The following ERBB4 variants were observed in gnomAD, a reference collection of about 807,000 sequenced individuals.
ERBB4 encodes erb-b2 receptor tyrosine kinase 4.
A neutral mutation model predicts 158.0 loss-of-function variants in ERBB4; 42 were observed. The ratio of observed to expected loss-of-function variants is 0.27; its 90% CI spans 0.21 to 0.34. The LOEUF (loss-of-function observed/expected upper bound fraction) is 0.34, where lower values mean the gene tolerates loss of function less well. ERBB4 is among the 10% of genes least tolerant of loss of function. ERBB4 has a pLI of 1.00. For missense variants in ERBB4, 1,333 were observed against 1,624.1 expected, an observed-to-expected ratio of 0.82 and a Z score of 3.08; for synonymous variants, 583 against 558.7, an observed-to-expected ratio of 1.04 and a Z score of -0.61.
Position 211,713,627 on chromosome 2 carries a change from C to T in ERBB4, c.905G>A (p.Ser302Asn). ...ACTAGGGCAGGCACGCACACAAGAA[C>T]TGGAATCTACCACAAAGTTATCTGA... Reference protein sequence around the residue: ...KCPHNFVVDSSSCVRACPSSK... With the variant: ...KCPHNFVVDSNSCVRACPSSK... Residue 302 changes from serine to asparagine, a missense_variant, in exon 8 of 28, where the codon AGT (serine) becomes AAT (asparagine). Coordinates refer to ENST00000342788, the MANE Select transcript of ERBB4 (RefSeq NM_005235.3). 2 of 1,595,482 alleles carry T rather than the reference C, an allele frequency of 1.3e-6. No homozygotes were observed. Among genetic ancestry groups the T allele is most frequent in the South Asian group, 1.1e-5 (1 of 90,562 alleles).
chr2:211,693,249 C>G (rs2072887889), intron 12 of ERBB4, among the ~76,000 whole-genome samples: 1 of 151,856 alleles, frequency 6.6e-6, no homozygotes, highest in African/African-American at 2.4e-5. Flanking sequence ...TAAAATGAAT[C>G]CAAAAGTATT....
chr2:212,313,999 T>C (rs894052755), intron 1 of ERBB4, among the ~76,000 whole-genome samples: 1 of 151,046 alleles, frequency 6.6e-6, no homozygotes, highest in Admixed American at 6.6e-5. Context: ...CACTTCCAGA[T>C]ACTAGCCAAA....
At chr2:212,251,573 A>G (rs1256678158) in intron 1 of ERBB4, among the ~76,000 whole-genome samples, 1 of 151,966 alleles carries the variant, frequency 6.6e-6, no homozygotes, top group Non-Finnish European at 1.5e-5. Context: ...CTTTTGGGAA[A>G]CTAGATGAAG....
chr2:211,741,391 C>T (rs1345347691), intron 5 of ERBB4, among the ~76,000 whole-genome samples: 1 of 151,660 alleles, frequency 6.6e-6, no homozygotes, highest in Admixed American at 6.6e-5. Flanking sequence ...CAACACCCCA[C>T]AGTTTCCATT....
In ERBB4 at chr2:211,711,903, A is replaced by C. The variant is rs561083310; in HGVS notation, c.1124+147T>G. The C allele has an allele frequency of 1.2e-5, 8 of 687,358 alleles. No homozygotes were observed. The East Asian group carries it at 2.2e-4, about 19-fold the overall frequency. The allele number at this position is 687,358 out of a possible 1,614,324, so 42.6% of individuals were successfully genotyped here. A position where few individuals can be genotyped will look rare whatever the true frequency, so the allele number is the denominator to read the frequency against. ...ACTAGTATACTGTCATTGCTGGTGAAATCAGGCCCCTGCTTTTGTTGGTGA... is the reference window on the plus strand; with the variant it reads ...ACTAGTATACTGTCATTGCTGGTGACATCAGGCCCCTGCTTTTGTTGGTGA... On this transcript the variant is annotated intron_variant, in intron 9 of 27. Coordinates refer to ENST00000342788, the MANE Select transcript of ERBB4 (RefSeq NM_005235.3).
At chr2:212,017,579 G>C (rs1197641962) in intron 2 of ERBB4, among the ~76,000 whole-genome samples, 2 of 152,100 alleles carry the variant, frequency 1.3e-5, no homozygotes, top group East Asian at 3.8e-4. Flanking sequence ...ATACAATGTT[G>C]TTGCATATAA....
At chr2:211,418,328 C>T (rs1222546243) in intron 25 of ERBB4, among the ~76,000 whole-genome samples, 1 of 151,966 alleles carries the variant, frequency 6.6e-6, no homozygotes, top group African/African-American at 2.4e-5. Flanking sequence ...TTACGTAAAG[C>T]CAGACTGAAA....
At chr2:212,370,021 G>C (rs554512825) in intron 1 of ERBB4, among the ~76,000 whole-genome samples, 85 of 152,242 alleles carry the variant, frequency 5.6e-4, no homozygotes, top group African/African-American at 1.9e-3. Flanking sequence ...GTAAATTAAT[G>C]AATTGGTGAT....
intron 1 of ERBB4, among the ~76,000 whole-genome samples, chr2:212,160,701 T>C (rs978531987): frequency 2.6e-5 from 4 of 151,988 alleles, no homozygotes; most frequent in East Asian, 1.9e-4. Flanking sequence ...AGCGCTTTTC[T>C]TTTTTTAGAG....
chr2:211,883,950 T>G (rs1003770500), intron 3 of ERBB4, among the ~76,000 whole-genome samples: 5 of 152,172 alleles, frequency 3.3e-5, no homozygotes, highest in African/African-American at 1.2e-4. Flanking sequence ...CACTCCCCGG[T>G]GAGGCCACTA....
intron 3 of ERBB4, among the ~76,000 whole-genome samples, chr2:211,944,780 A>G (rs1419934889): frequency 6.7e-6 from 1 of 150,296 alleles, no homozygotes; most frequent in African/African-American, 2.4e-5. Flanking sequence ...CCCCACCCCC[A>G]GAGTTTCTCA....
At chr2:212,119,561 CTG>C (rs1450917936) in intron 2 of ERBB4, among the ~76,000 whole-genome samples, 1 of 152,144 alleles carries the variant, frequency 6.6e-6, no homozygotes, top group Non-Finnish European at 1.5e-5. Context: ...AGCACAAAAT[CTG>C]TGATTTTTAT....
At chr2:212,498,344 C>T (rs1690697666) in intron 1 of ERBB4, among the ~76,000 whole-genome samples, 1 of 152,062 alleles carries the variant, frequency 6.6e-6, no homozygotes, top group African/African-American at 2.4e-5. Context: ...CTTACCATTT[C>T]CCAACTTGAC....
chr2:212,144,075 C>T (rs1575697748), intron 1 of ERBB4, among the ~76,000 whole-genome samples: 1 of 151,470 alleles, frequency 6.6e-6, no homozygotes, highest in African/African-American at 2.4e-5. Context: ...AGAAATAGAT[C>T]AGGAATAGAA....
At chr2:212,475,279 G>T (rs1689328864) in intron 1 of ERBB4, among the ~76,000 whole-genome samples, 1 of 152,122 alleles carries the variant, frequency 6.6e-6, no homozygotes, top group Non-Finnish European at 1.5e-5. Context: ...CTGCTCTGCA[G>T]TCATCATGAA....
intron 1 of ERBB4, among the ~76,000 whole-genome samples, chr2:212,288,555 A>G (rs7575288): frequency 0.84 from 128,404 of 151,988 alleles, 54,726 homozygotes; most frequent in Middle Eastern, 0.9. Context: ...CTGTTGCAGC[A>G]TAGTAACCTG....
chr2:212,353,116 G>A (rs997355808), intron 1 of ERBB4, among the ~76,000 whole-genome samples: 10 of 151,990 alleles, frequency 6.6e-5, no homozygotes, highest in East Asian at 1.9e-4. Flanking sequence ...AAATGCAGCC[G>A]TCAGGACCAG....
chr2:211,455,764 A>G (rs1178145046), intron 20 of ERBB4, among the ~76,000 whole-genome samples: 1 of 152,222 alleles, frequency 6.6e-6, no homozygotes. Context: ...GTACTTCTAC[A>G]TCCATAGTTG....
At chr2:211,944,063 T>C (rs946500848) in intron 3 of ERBB4, among the ~76,000 whole-genome samples, 5 of 124,986 alleles carry the variant, frequency 4.0e-5, no homozygotes, top group Non-Finnish European at 6.9e-5. Context: ...CATATATATA[T>C]ATATACACAT....
Sources: gnomAD v4.1 joint callset for allele counts (sites outside exome capture counted in the v4.1 genomes callset) on GRCh38, gnomAD v4.1.1 for gene constraint, MANE v1.5 for transcripts, NCBI Gene and HGNC (gene_info 2026-07-23, HGNC 2026-07-21) for gene names.